The following COL19A1 variants were observed in gnomAD, a reference collection of about 807,000 sequenced individuals.
COL19A1 encodes the protein collagen type XIX alpha 1 chain, also known as collagen alpha-1(XIX) chain.
A neutral mutation model predicts 190.2 loss-of-function variants in COL19A1; 159 were observed. The observed-to-expected ratio is 0.84, with a 90% CI of 0.73 to 0.95. The LOEUF (loss-of-function observed/expected upper bound fraction) is 0.95. Ranked by LOEUF, COL19A1 falls within the 40% of genes least tolerant of loss-of-function variation. COL19A1 has a pLI of 0.00. For synonymous variants in COL19A1, 509 were observed against 458.9 expected, an observed-to-expected ratio of 1.11 and a Z score of -1.39; for missense variants, 1,418 against 1,431.9, an observed-to-expected ratio of 0.99 and a Z score of 0.16.
chr6:70,080,115 A>G (rs1782153174), intron 15 of COL19A1, among the ~76,000 whole-genome samples: 1 of 152,248 alleles, frequency 6.6e-6, no homozygotes, highest in Non-Finnish European at 1.5e-5. Flanking sequence ...GGCTTATTGC[A>G]TATTCACATT....
intron 4 of COL19A1, among the ~76,000 whole-genome samples, chr6:69,902,333 T>C (rs1048648192): frequency 1.3e-5 from 2 of 152,232 alleles, no homozygotes; most frequent in African/African-American, 2.4e-5. Flanking sequence ...ATGCTTTCTG[T>C]GCCTGAGCTT....
chr6:69,965,438 A>T (rs1775035075), intron 11 of COL19A1, among the ~76,000 whole-genome samples: 2 of 152,214 alleles, frequency 1.3e-5, no homozygotes, highest in Admixed American at 1.3e-4. Flanking sequence ...GCTAAAAAAA[A>T]CTAGCTTTCA....
At chr6:70,028,031 A>G (rs987926832) in intron 12 of COL19A1, among the ~76,000 whole-genome samples, 5 of 152,108 alleles carry the variant, frequency 3.3e-5, no homozygotes, top group Non-Finnish European at 4.4e-5. Flanking sequence ...TATTTGCACC[A>G]CGGAATGATA....
At chr6:70,127,880 G>T (rs1411987328) in intron 17 of COL19A1, among the ~76,000 whole-genome samples, 1 of 152,176 alleles carries the variant, frequency 6.6e-6, no homozygotes, top group Non-Finnish European at 1.5e-5. Flanking sequence ...TTTGGGTGGG[G>T]ACACAGCCGA....
chr6:70,112,839 C>T (rs1333594625), intron 16 of COL19A1, among the ~76,000 whole-genome samples: 2 of 152,156 alleles, frequency 1.3e-5, no homozygotes, highest in Non-Finnish European at 2.9e-5. Flanking sequence ...ATTCATACAA[C>T]CATAAACGGC....
intron 14 of COL19A1, among the ~76,000 whole-genome samples, chr6:70,053,740 T>C (rs919650009): frequency 6.6e-6 from 1 of 151,172 alleles, no homozygotes; most frequent in Non-Finnish European, 1.5e-5. Flanking sequence ...GTTCAGTCTT[T>C]TTTGTCAATA....
intron 15 of COL19A1, among the ~76,000 whole-genome samples, chr6:70,083,910 T>C (rs1230277470): frequency 6.6e-6 from 1 of 152,144 alleles, no homozygotes; most frequent in Non-Finnish European, 1.5e-5. Context: ...TAAAACTGAT[T>C]ATATAAATAG....
chr6:69,871,518 C>T (rs1381879772), intron 1 of COL19A1, among the ~76,000 whole-genome samples: 1 of 152,128 alleles, frequency 6.6e-6, no homozygotes, highest in African/African-American at 2.4e-5. Context: ...AGTTGAGATG[C>T]CATGTACATT....
At chr6:70,018,690 T>C (rs12210952) in intron 11 of COL19A1, among the ~76,000 whole-genome samples, 5,538 of 152,010 alleles carry the variant, frequency 0.036, 137 homozygotes, top group Middle Eastern at 0.071. Context: ...ATGGGGAAAA[T>C]AAGTCAGGAA....
chr6:70,146,918 G>A (rs1786693230), intron 27 of COL19A1, 29 bp downstream of exon 27: 1 of 1,533,404 alleles, frequency 6.5e-7, no homozygotes. Context: ...AGTCCTTGTT[G>A]ATTCCAACAT....
chr6:69,954,026 A>G (rs1268410708), intron 9 of COL19A1, among the ~76,000 whole-genome samples: 1 of 152,012 alleles, frequency 6.6e-6, no homozygotes, highest in Non-Finnish European at 1.5e-5. Flanking sequence ...CACATCAGGG[A>G]CTGCCAAAGC....
chr6:69,921,890 A>G (rs908646859), intron 4 of COL19A1, among the ~76,000 whole-genome samples: 2 of 151,932 alleles, frequency 1.3e-5, no homozygotes, highest in Admixed American at 1.3e-4. Context: ...GATCAGCGAT[A>G]TTTTTCTTAC....
chr6:69,897,051 T>C (rs957492638), intron 2 of COL19A1, among the ~76,000 whole-genome samples: 1 of 152,218 alleles, frequency 6.6e-6, no homozygotes, highest in African/African-American at 2.4e-5. Flanking sequence ...TTTCAAGACA[T>C]CTTTGCTATC....
chr6:70,044,332 A>G (rs1779793177), intron 14 of COL19A1, among the ~76,000 whole-genome samples: 2 of 152,198 alleles, frequency 1.3e-5, no homozygotes, highest in Admixed American at 1.3e-4. Context: ...TCACTATAGT[A>G]GCACATTTAA....
At chr6:70,102,365 G>C in intron 16 of COL19A1, 143 bp downstream of exon 16, 3 of 662,938 alleles carry the variant, frequency 4.5e-6, no homozygotes, top group Non-Finnish European at 8.2e-6. Context: ...ATTTGGATGA[G>C]TAGTTCATAC....
In COL19A1 at chr6:70,067,265, A is replaced by G. The variant is rs944983096; in HGVS notation, c.1171-1158A>G. On this transcript the variant is annotated intron_variant, in intron 14 of 50. Coordinates refer to ENST00000620364, the MANE Select transcript of COL19A1 (RefSeq NM_001858.6). ...ACTAGGAAGCTCTTACAGATGAGCA[A>G]GAATATGGGAGCAGCAGGAGTGGAG... is the stretch of plus-strand genomic sequence containing the variant. Among the ~76,000 whole-genome samples, 3 of 152,148 alleles carry G rather than the reference A, an allele frequency of 2.0e-5. No homozygotes were observed. The East Asian group carries it at 5.8e-4, about 29-fold the overall frequency.
intron 44 of COL19A1, among the ~76,000 whole-genome samples, chr6:70,180,831 C>A (rs1766126508): frequency 6.6e-6 from 1 of 152,168 alleles, no homozygotes; most frequent in Admixed American, 6.5e-5. Context: ...CCTGTCATGT[C>A]CTAAAGTATA....
At chr6:70,099,097 A>C (rs1783471199) in intron 15 of COL19A1, among the ~76,000 whole-genome samples, 1 of 150,054 alleles carries the variant, frequency 6.7e-6, no homozygotes, top group Non-Finnish European at 1.5e-5. Flanking sequence ...AGAAAAAAAG[A>C]GATTGTGCCC....
rs182972561 is a variant in COL19A1, at chr6:70,185,436, G to A, written c.2856+521G>A. On this transcript the variant is annotated intron_variant, in intron 46 of 50. Transcript: ENST00000620364. ...TGGGAAGCAAAATCACTGCAATTGA[G>A]AACTACTGACATGCAGAAAAACTAA... Among the ~76,000 whole-genome samples, 29 of 152,288 alleles carry A rather than the reference G, an allele frequency of 1.9e-4. 1 individual carries two copies. The East Asian group carries it at 5.2e-3, about 27-fold the overall frequency.
Sources: gnomAD v4.1 joint callset for allele counts (sites outside exome capture counted in the v4.1 genomes callset) on GRCh38, gnomAD v4.1.1 for gene constraint, MANE v1.5 for transcripts, NCBI Gene and HGNC (gene_info 2026-07-23, HGNC 2026-07-21) for gene names.